PSPC1: variants seen among roughly 807,000 people sequenced by gnomAD.
PSPC1 encodes paraspeckle protein 1.
In PSPC1, 14 loss-of-function variants were observed where a neutral mutation model predicts 51.6. The ratio of observed to expected loss-of-function variants is 0.27; its 90% CI spans 0.18 to 0.42. The LOEUF is 0.42. PSPC1 is among the 10% of genes least tolerant of loss of function. The pLI, the probability that PSPC1 is intolerant of heterozygous loss-of-function variation, is 1.00. For synonymous variants in PSPC1, 193 were observed against 231.9 expected, an observed-to-expected ratio of 0.83 and a Z score of 1.53; for missense variants, 406 against 701.1, an observed-to-expected ratio of 0.58 and a Z score of 4.75.
At chr13:19,744,032 C>T (rs566768842) in intron 4 of PSPC1, among the ~76,000 whole-genome samples, 4 of 152,220 alleles carry the variant, frequency 2.6e-5, no homozygotes, top group South Asian at 4.1e-4. Context: ...CACTTGAACC[C>T]GGGAGGCGGA....
At chr13:19,746,307 C>A (rs1051811276) in intron 4 of PSPC1, among the ~76,000 whole-genome samples, 1 of 151,734 alleles carries the variant, frequency 6.6e-6, no homozygotes, top group African/African-American at 2.4e-5. Flanking sequence ...GAGGCTGAGG[C>A]AGGAGAATCA....
intron 3 of PSPC1, among the ~76,000 whole-genome samples, chr13:19,752,332 T>C (rs1245883252): frequency 6.6e-6 from 1 of 152,196 alleles, no homozygotes; most frequent in African/African-American, 2.4e-5. Flanking sequence ...GTGCAGTATA[T>C]ACATTTAATA....
chr13:19,749,689 A>C (rs914779465), intron 4 of PSPC1, among the ~76,000 whole-genome samples: 1 of 141,834 alleles, frequency 7.1e-6, no homozygotes, highest in Non-Finnish European at 1.5e-5. Context: ...CCCAGGCTGG[A>C]GTGCAGTGGC....
At chr13:19,767,713 G>C (rs1309208297) in intron 2 of PSPC1, among the ~76,000 whole-genome samples, 1 of 151,990 alleles carries the variant, frequency 6.6e-6, no homozygotes, top group Non-Finnish European at 1.5e-5. Flanking sequence ...AACAACTGGA[G>C]ACCTGCACGG....
intron 2 of PSPC1, among the ~76,000 whole-genome samples, chr13:19,770,908 C>A (rs1033470379): frequency 1.3e-5 from 2 of 149,728 alleles, no homozygotes; most frequent in Admixed American, 6.7e-5. Context: ...AAAAAAAAAA[C>A]AAACAAAAAA....
intron 1 of PSPC1, among the ~76,000 whole-genome samples, chr13:19,777,686 A>G (rs7325880): frequency 0.92 from 139,204 of 152,046 alleles, 64,945 homozygotes; most frequent in Non-Finnish European, 1. Flanking sequence ...AGTGGCTCAC[A>G]CCTGTAATCC....
At chr13:19,722,148 A>C (rs532060658) in intron 6 of PSPC1, among the ~76,000 whole-genome samples, 2 of 152,212 alleles carry the variant, frequency 1.3e-5, no homozygotes, top group Admixed American at 1.3e-4. Context: ...AGTAGACAAC[A>C]AAGTCAGAAA....
intron 1 of PSPC1, among the ~76,000 whole-genome samples, chr13:19,781,043 G>A (rs748973837): frequency 1.3e-5 from 2 of 151,240 alleles, no homozygotes; most frequent in Non-Finnish European, 1.5e-5. Context: ...TGTAGTCCCC[G>A]TCCCAGCTAC....
At chr13:19,706,379 C>T (rs1405112726) in intron 7 of PSPC1, among the ~76,000 whole-genome samples, 1 of 151,168 alleles carries the variant, frequency 6.6e-6, no homozygotes, top group Non-Finnish European at 1.5e-5. Context: ...TGCTAAATTA[C>T]ATAAGGTACT....
In PSPC1 at chr13:19,703,172, T is replaced by C. The variant is rs1880157341; in HGVS notation, c.*3A>G. On this transcript the variant is annotated 3_prime_UTR_variant, in exon 9 of 9. Transcript: ENST00000338910. ...TTCTAGATAGCCAGGAATGAACGAA[T>C]GTTTAATATCTACGACGCTTATTAG... is the stretch of plus-strand genomic sequence containing the variant. 1.2e-6 allele frequency: 2 copies of C among 1,613,470 alleles called. No individual in the cohort carries two copies. Among genetic ancestry groups the C allele is most frequent in the Non-Finnish European group, 1.7e-6 (2 of 1,179,646 alleles).
intron 6 of PSPC1, among the ~76,000 whole-genome samples, chr13:19,716,370 T>C (rs367779668): frequency 1.3e-5 from 2 of 152,174 alleles, no homozygotes; most frequent in African/African-American, 4.8e-5. Flanking sequence ...CTGAACTAAA[T>C]AAAAACTGCT....
intron 7 of PSPC1, among the ~76,000 whole-genome samples, chr13:19,707,766 T>TA (rs916123239): frequency 3.3e-5 from 5 of 152,202 alleles, no homozygotes; most frequent in African/African-American, 1.2e-4. Context: ...GAAATGGTTT[T>TA]AAGTTTTATA....
chr13:19,768,202 G>GT (rs1401946701), intron 2 of PSPC1, among the ~76,000 whole-genome samples: 1 of 151,820 alleles, frequency 6.6e-6, no homozygotes, highest in Non-Finnish European at 1.5e-5. Flanking sequence ...TTTGGCCTGA[G>GT]TGACAGAGCA....
At chr13:19,763,434 T>C (rs1887771508) in intron 2 of PSPC1, among the ~76,000 whole-genome samples, 3 of 152,170 alleles carry the variant, frequency 2.0e-5, no homozygotes, top group Admixed American at 2.0e-4. Flanking sequence ...TGGGTTTTTG[T>C]TTTTCTCCCC....
At chr13:19,750,323 T>C (rs1372441216) in intron 4 of PSPC1, among the ~76,000 whole-genome samples, 1 of 151,840 alleles carries the variant, frequency 6.6e-6, no homozygotes, top group Non-Finnish European at 1.5e-5. Flanking sequence ...TCCCAGCTAC[T>C]CGGGAGGCTG....
rs1055960498 is a variant in PSPC1 at position 19,679,530 on chromosome 13, C to T, written c.1159-1707G>A. The stretch of plus-strand genomic sequence containing the variant: ...GGAAGAAAAGAAAATGTAGTTAGGC[C>T]CCGAGTGGTTGTGTCTATACTGAAC... On this transcript the variant is annotated intron_variant and NMD_transcript_variant, in intron 6 of 7. Coordinates refer to the PSPC1 transcript ENST00000471658. Among the ~76,000 whole-genome samples, 4 of 152,180 alleles carry T rather than the reference C, an allele frequency of 2.6e-5. 1 individual carries two copies. The Middle Eastern group carries it at 0.01, about 388-fold the overall frequency.
chr13:19,760,406 T>C (rs575248329), intron 2 of PSPC1, among the ~76,000 whole-genome samples: 1 of 151,856 alleles, frequency 6.6e-6, no homozygotes, highest in African/African-American at 2.4e-5. Flanking sequence ...CACACGCCTG[T>C]AGTCCCAGCT....
In PSPC1 at chr13:19,733,883, G is replaced by A. The variant is rs1292780385; in HGVS notation, c.1053-3539C>T. On this transcript the variant is annotated intron_variant, in intron 5 of 8. Coordinates refer to ENST00000338910, the MANE Select transcript of PSPC1 (RefSeq NM_001354909.2). ...TGGGAAGATCACTTGAACCCCATAA[G>A]GTGAGACTGCGGGGAGCCGTGATCA... Among the ~76,000 whole-genome samples the A allele has an allele frequency of 2.6e-5, 4 of 152,060 alleles. No homozygotes were observed. The East Asian group carries it at 7.7e-4, about 29-fold the overall frequency.
At chr13:19,675,089 G>A (rs187235879) in intron 7 of PSPC1, 2 of 153,010 alleles carry the variant, frequency 1.3e-5, no homozygotes. Context: ...TTTTGAAGGT[G>A]ACGCCACCAC....
Sources: gnomAD v4.1 joint callset for allele counts (sites outside exome capture counted in the v4.1 genomes callset) on GRCh38, gnomAD v4.1.1 for gene constraint, MANE v1.5 for transcripts, NCBI Gene and HGNC (gene_info 2026-07-23, HGNC 2026-07-21) for gene names.